Variants in DNAH8 observed in about 807,000 individuals in gnomAD.
The protein encoded by DNAH8 is axonemal beta dynein heavy chain 8.
DNAH8 carries 382 observed loss-of-function variants against 562.1 expected under a neutral mutation model. The ratio of observed to expected loss-of-function variants is 0.68; its 90% confidence interval spans 0.63 to 0.74. The LOEUF is 0.74. DNAH8 is among the 30% of genes least tolerant of loss of function. DNAH8 has a pLI of 0.00. For synonymous variants in DNAH8, 1,881 were observed against 1,919.4 expected (o/e 0.98, Z 0.52); for missense variants, 5,203 against 5,620.4 (o/e 0.93, Z 2.37).
At position 38,909,566 on chromosome 6, in the gene DNAH8, T is replaced by C; in HGVS notation, c.9562T>C (p.Ser3188Pro). Residue 3188 changes from serine to proline, a missense_variant, in exon 65 of 93, where the codon TCA (serine) becomes CCA (proline). By Grantham distance (74) the Ser-to-Pro change is moderately conservative. Transcript: ENST00000327475. ...TTCTTTGAAATTTCCTGGCTTGATA[T>C]CAGGTTGCACTATGGACTGGTTCAG... is the stretch of plus-strand genomic sequence containing the variant. ...ARSLKFPGLI[S>P]GCTMDWFSRW... 2.5e-6 allele frequency: 4 copies of C among 1,614,180 alleles called. No homozygotes were observed. The highest frequency in any genetic ancestry group is 1.1e-5 in the South Asian group (1 of 91,078).
chr6:38,852,605 T>A, intron 39 of DNAH8, 89 bp from the exon 40 acceptor site: 1 of 938,032 alleles, frequency 1.1e-6, no homozygotes, highest in Non-Finnish European at 1.6e-6. Flanking sequence ...CTTAACCTTT[T>A]AAAAAGATAC....
At chr6:38,802,673 A>G (rs1770887802) in intron 21 of DNAH8, among the ~76,000 whole-genome samples, 1 of 152,232 alleles carries the variant, frequency 6.6e-6, no homozygotes. Flanking sequence ...AATGGGGACC[A>G]TAATATTACT....
chr6:39,001,502 C>T (rs926583684), intron 88 of DNAH8, among the ~76,000 whole-genome samples: 2 of 151,746 alleles, frequency 1.3e-5, no homozygotes, highest in Non-Finnish European at 2.9e-5. Flanking sequence ...GAGCTATAAT[C>T]GATGAAAAAA....
chr6:38,950,055 G>A (rs560571731), intron 81 of DNAH8, among the ~76,000 whole-genome samples: 12 of 152,102 alleles, frequency 7.9e-5, no homozygotes. Context: ...GCTACTTTTG[G>A]CTATAAAATG....
chr6:38,895,600 T>C (rs926753945), intron 59 of DNAH8, among the ~76,000 whole-genome samples: 8 of 152,238 alleles, frequency 5.3e-5, no homozygotes, highest in Admixed American at 2.0e-4. Flanking sequence ...TAGATGATAA[T>C]GCCAGTTTCA....
chr6:38,870,015 C>A (rs1308134371), intron 48 of DNAH8, among the ~76,000 whole-genome samples: 1 of 152,176 alleles, frequency 6.6e-6, no homozygotes, highest in African/African-American at 2.4e-5. Context: ...GAATGAGGAG[C>A]AAAGTCACGT....
intron 12 of DNAH8, among the ~76,000 whole-genome samples, chr6:38,770,990 T>A (rs1355885402): frequency 6.6e-6 from 1 of 152,226 alleles, no homozygotes; most frequent in Non-Finnish European, 1.5e-5. Flanking sequence ...GTGCGGGTGA[T>A]ATCTTTTCTG....
chr6:38,767,317 G>T (rs916066454), intron 11 of DNAH8, among the ~76,000 whole-genome samples: 9 of 151,964 alleles, frequency 5.9e-5, no homozygotes, highest in Non-Finnish European at 1.3e-4. Context: ...GGCTCCTGTA[G>T]TCCCAGCTAC....
At chr6:38,766,403 G>A (rs977287912) in intron 11 of DNAH8, among the ~76,000 whole-genome samples, 9 of 152,170 alleles carry the variant, frequency 5.9e-5, no homozygotes, top group Admixed American at 2.6e-4. Flanking sequence ...AGATATTGGT[G>A]AAAGAGTACA....
intron 86 of DNAH8, among the ~76,000 whole-genome samples, chr6:38,983,939 A>C (rs1192848311): frequency 6.6e-6 from 1 of 152,216 alleles, no homozygotes; most frequent in East Asian, 1.9e-4. Flanking sequence ...CCCAGAGTGA[A>C]AATTAGTCTT....
At chr6:38,949,977 A>G (rs1761748848) in intron 81 of DNAH8, among the ~76,000 whole-genome samples, 1 of 152,268 alleles carries the variant, frequency 6.6e-6, no homozygotes, top group African/African-American at 2.4e-5. Flanking sequence ...ATTAGCTTAT[A>G]AGCTAAAGTT....
intron 82 of DNAH8, among the ~76,000 whole-genome samples, chr6:38,955,883 C>A (rs2150648825): frequency 6.6e-6 from 1 of 152,256 alleles, no homozygotes; most frequent in Admixed American, 6.5e-5. Flanking sequence ...AACTGACACC[C>A]AAATGGCAGA....
intron 88 of DNAH8, among the ~76,000 whole-genome samples, chr6:38,991,341 A>G (rs1764771584): frequency 1.3e-5 from 2 of 152,242 alleles, no homozygotes; most frequent in Non-Finnish European, 2.9e-5. Flanking sequence ...AAGGTTCGTT[A>G]GTGGCAGCTC....
intron 32 of DNAH8, among the ~76,000 whole-genome samples, chr6:38,837,220 C>G (rs773725213): frequency 3.1e-4 from 47 of 152,242 alleles, no homozygotes; most frequent in Non-Finnish European, 5.3e-4. Context: ...TCTGTCAGAT[C>G]TGTATTTTTG....
chr6:38,943,966 G>A (rs1783652223), intron 79 of DNAH8, among the ~76,000 whole-genome samples: 1 of 152,126 alleles, frequency 6.6e-6, no homozygotes, highest in Non-Finnish European at 1.5e-5. Flanking sequence ...GCTAACAAGC[G>A]GCAGAGCCAG....
intron 79 of DNAH8, 121 bp downstream of exon 79, chr6:38,939,109 T>A (rs1561890037): frequency 1.3e-6 from 1 of 770,194 alleles, no homozygotes; most frequent in East Asian, 2.8e-5. Context: ...GAAAGTTTAA[T>A]TAAGTTTTAT....
intron 39 of DNAH8, 54 bp downstream of exon 39, chr6:38,851,728 A>G (rs1432355359): frequency 7.2e-6 from 8 of 1,103,672 alleles, no homozygotes; most frequent in Middle Eastern, 2.0e-4. Context: ...ATACACAATG[A>G]AGAATAAAAG....
At chr6:39,008,704 T>TTTC (rs1765968900) in intron 88 of DNAH8, 110 bp from the exon 89 acceptor site, 1 of 583,016 alleles carries the variant, frequency 1.7e-6, no homozygotes. Flanking sequence ...TTTTTTTTTT[T>TTTC]TTTGTAGCTT....
At chr6:38,762,234 A>G (rs531682686) in intron 11 of DNAH8, among the ~76,000 whole-genome samples, 1 of 152,342 alleles carries the variant, frequency 6.6e-6, no homozygotes, top group Non-Finnish European at 1.5e-5. Context: ...AGATTTAAAT[A>G]TATCTTTGAT....
Sources: allele counts gnomAD v4.1 joint callset (sites outside exome capture counted in the v4.1 genomes callset), GRCh38; gene constraint gnomAD v4.1.1; transcripts MANE v1.5; gene names NCBI Gene and HGNC (gene_info 2026-07-23, HGNC 2026-07-21).